Variants in SSBP4 observed in about 807,000 individuals in gnomAD.
The protein encoded by SSBP4 is single-stranded DNA-binding protein 4.
In SSBP4, 33 loss-of-function variants were observed where a neutral mutation model predicts 64.6. The observed-to-expected ratio is 0.51, with a 90% CI of 0.39 to 0.68. The LOEUF is 0.68. Among genes scored for constraint, SSBP4 ranks in the 30% least tolerant of loss-of-function variants. The pLI is 0.00. For synonymous variants in SSBP4, 243 were observed against 224.0 expected (o/e 1.08, Z -0.76); for missense variants, 583 against 566.8 (o/e 1.03, Z -0.29).
rs935150713 is a variant in SSBP4 at position 18,432,169 on chromosome 19, C to T, written c.659C>T (p.Pro220Leu). The change falls in exon 10 of 18, where the codon CCC (proline) becomes CTC (leucine). Residue 220 changes from proline to leucine, a missense_variant. Physicochemically the swap from Pro to Leu is moderately conservative, Grantham distance 98 (BLOSUM62 -3). Around this residue, in one of 5 missense-constraint regions of SSBP4, gnomAD observed 444 missense variants for 386.6 expected, o/e 1.15. Coordinates refer to ENST00000270061, the MANE Select transcript of SSBP4 (RefSeq NM_032627.5). ...GPQSYGGGMR[P>L]PPNSLAGPGL... ...CAGAGCTATGGAGGTGGCATGCGACCCCCACCCAACTCCCTCGCCGGCCCA... is the reference window on the plus strand; with the variant it reads ...CAGAGCTATGGAGGTGGCATGCGACTCCCACCCAACTCCCTCGCCGGCCCA... 1.1e-5 allele frequency: 17 copies of T among 1,613,046 alleles called. No homozygotes were observed. The highest frequency in any genetic ancestry group is 1.4e-5 in the Non-Finnish European group (17 of 1,179,970).
chr19:18,411,103 C>G, the SSBP4 span, among the ~76,000 whole-genome samples: 1 of 151,646 alleles, frequency 6.6e-6, no homozygotes, highest in Admixed American at 6.6e-5. Context: ...AGTGAGACCC[C>G]CTTCTCTACA....
chr19:18,431,479 T>C (rs1288489800), intron 6 of SSBP4, 61 bp downstream of exon 6: 5 of 1,041,882 alleles, frequency 4.8e-6, no homozygotes, highest in Non-Finnish European at 6.9e-6. Context: ...CGCCGCCCCC[T>C]CCCACCCTCA....
the SSBP4 span, among the ~76,000 whole-genome samples, chr19:18,405,379 C>T: frequency 1.3e-5 from 2 of 152,018 alleles, no homozygotes; most frequent in Admixed American, 6.6e-5. Context: ...CCCTCCCCCA[C>T]GCCAGGCGTG....
the SSBP4 span, among the ~76,000 whole-genome samples, chr19:18,404,249 CCAGAGACCCT>C: frequency 6.6e-5 from 10 of 151,528 alleles, no homozygotes; most frequent in East Asian, 3.9e-4. Context: ...TCAGAGATCC[CCAGAGACCCT>C]CAGAGACCCT....
At chr19:18,414,699 C>T (rs926794206), upstream of SSBP4, among the ~76,000 whole-genome samples, 1 of 152,110 alleles carries the variant, frequency 6.6e-6, no homozygotes, top group African/African-American at 2.4e-5. Flanking sequence ...TTGTGGAGGA[C>T]GGACGTGGGG....
At chr19:18,410,551 C>T in the SSBP4 span, among the ~76,000 whole-genome samples, 6 of 151,966 alleles carry the variant, frequency 3.9e-5, no homozygotes, top group Admixed American at 2.0e-4. Context: ...GGGGGTGTGG[C>T]GTGACTGGGT....
At chr19:18,404,865 GCA>G in the SSBP4 span, among the ~76,000 whole-genome samples, 5 of 134,078 alleles carry the variant, frequency 3.7e-5, no homozygotes, top group African/African-American at 5.7e-5. Flanking sequence ...GCACTCCAGC[GCA>G]GGTAACAGAG....
the SSBP4 span, among the ~76,000 whole-genome samples, chr19:18,411,451 C>T: frequency 3.0e-4 from 46 of 152,014 alleles, no homozygotes; most frequent in Non-Finnish European, 4.3e-4. Context: ...GTCAAGATTG[C>T]GCCACTGCAC....
In SSBP4 at chr19:18,431,875, G is replaced by T; in HGVS notation, c.565+13G>T. The T allele has an allele frequency of 6.4e-7, 1 of 1,567,998 alleles. No homozygotes were observed. The highest frequency in any genetic ancestry group is 8.7e-7 in the Non-Finnish European group (1 of 1,153,964). On this transcript the variant is annotated intron_variant, in intron 8 of 17. Coordinates refer to ENST00000270061, the MANE Select transcript of SSBP4 (RefSeq NM_032627.5). ...CCACGAGCCCAGGGTGAGTAGGGAA[G>T]CTCCAGCCCCTATCCCGCCATCAAT...
upstream of SSBP4, chr19:18,418,948 T>C: frequency 2.0e-5 from 20 of 984,938 alleles, no homozygotes; most frequent in Non-Finnish European, 2.4e-5. This position sits in a 1 kb window ranked among gnomAD's most constrained non-coding sequence, Gnocchi z 6.7. Flanking sequence ...GCGGGCTGTA[T>C]GTGCGGTGGT....
rs534313901 is a variant in SSBP4, at chr19:18,423,955, G to A, written c.60-3396G>A. Among the ~76,000 whole-genome samples the A allele has an allele frequency of 8.5e-5, 13 of 152,306 alleles. No individual in the cohort carries two copies. The highest frequency in any genetic ancestry group is 3.1e-4 in the African/African-American group (13 of 41,558). On this transcript the variant is annotated intron_variant, in intron 1 of 17. Coordinates refer to ENST00000270061, the MANE Select transcript of SSBP4 (RefSeq NM_032627.5). The surrounding 1 kb of genome is among the most constrained non-coding windows in gnomAD (Gnocchi z 4.0). Reference sequence around the variant, plus strand: ...AACTGAGCTCAGGGCCCCAACCGGTGGCGCCCCCAGACCTGGCCCCCGGAG... The same window carrying A: ...AACTGAGCTCAGGGCCCCAACCGGTAGCGCCCCCAGACCTGGCCCCCGGAG...
the SSBP4 span, among the ~76,000 whole-genome samples, chr19:18,404,819 G>C: frequency 6.7e-6 from 1 of 149,350 alleles, no homozygotes; most frequent in Non-Finnish European, 1.5e-5. Context: ...GTGAACCTGG[G>C]AGGCAGAGCT....
In SSBP4 at chr19:18,431,632, G is replaced by A. The variant is rs757230135; in HGVS notation, c.436-15G>A. 78 of 1,541,324 alleles carry A rather than the reference G, an allele frequency of 5.1e-5. No individual in the cohort carries two copies. In the East Asian group the frequency reaches 7.1e-4, roughly 14 times the overall value. On this transcript the variant is annotated splice_polypyrimidine_tract_variant and intron_variant, in intron 6 of 17. Coordinates refer to ENST00000270061, the MANE Select transcript of SSBP4 (RefSeq NM_032627.5). ...AGGGTGGGGGAAGGTGCTGATCCCC[G>A]CCCACCTCTTCCAGCCCTTCATGTC...
upstream of SSBP4, among the ~76,000 whole-genome samples, chr19:18,415,264 G>A (rs2144652048): frequency 1.3e-5 from 2 of 152,350 alleles, no homozygotes; most frequent in East Asian, 3.9e-4. Context: ...AGGGGTTGCA[G>A]GGGGCGCCAG....
chr19:18,429,804 C>A (rs911260973), intron 4 of SSBP4, among the ~76,000 whole-genome samples: 1 of 152,120 alleles, frequency 6.6e-6, no homozygotes, highest in African/African-American at 2.4e-5. Context: ...AGGGGGCTCC[C>A]GCCTCCAGCC....
chr19:18,432,457 G>T (rs1973490429), intron 10 of SSBP4, 102 bp from the exon 11 acceptor site: 1 of 1,478,746 alleles, frequency 6.8e-7, no homozygotes, highest in South Asian at 1.3e-5. Flanking sequence ...CTGCTCTGTG[G>T]TCGGTCTGGG....
rs1281086959 is a variant in SSBP4 at position 18,426,761 on chromosome 19, C to T, written c.60-590C>T. Among the ~76,000 whole-genome samples, 1 of 152,170 alleles carries T rather than the reference C, an allele frequency of 6.6e-6. No homozygotes were observed. The highest frequency in any genetic ancestry group is 6.5e-5 in the Admixed American group (1 of 15,284). ...TGCAGACATGGCACTGCAGGCCCTA[C>T]CTCCCCTGGCCCCCCACCTCCATTC... On this transcript the variant is annotated intron_variant, in intron 1 of 17. Coordinates refer to ENST00000270061, the MANE Select transcript of SSBP4 (RefSeq NM_032627.5). This position sits in a 1 kb window ranked among gnomAD's most constrained non-coding sequence, Gnocchi z 4.5.
At chr19:18,413,875 G>A (rs574233867), upstream of SSBP4, among the ~76,000 whole-genome samples, 1 of 152,272 alleles carries the variant, frequency 6.6e-6, no homozygotes, top group South Asian at 2.1e-4. Flanking sequence ...AAATTAGCCA[G>A]GTGTGGTGGC....
chr19:18,412,848 G>A, the SSBP4 span, among the ~76,000 whole-genome samples: 1 of 152,202 alleles, frequency 6.6e-6, no homozygotes, highest in Non-Finnish European at 1.5e-5. Context: ...CTGAAGCAGA[G>A]CGCTGGGTGC....
Sources: gnomAD v4.1 joint callset for allele counts (sites outside exome capture counted in the v4.1 genomes callset) on GRCh38, gnomAD v4.1.1 for gene constraint, gnomAD v4.1.1 regional missense constraint, Gnocchi (gnomAD v3.1) non-coding constraint, MANE v1.5 for transcripts, NCBI Gene and HGNC (gene_info 2026-07-23, HGNC 2026-07-21) for gene names.